The following FARS2 variants were observed in gnomAD, a reference collection of about 807,000 sequenced individuals.
FARS2 encodes phenylalanine--tRNA ligase, mitochondrial.
A neutral mutation model predicts 46.4 loss-of-function variants in FARS2; 40 were observed. The ratio of observed to expected loss-of-function variants is 0.86; its 90% CI spans 0.67 to 1.12. The LOEUF is 1.12. Among genes scored for constraint, FARS2 ranks in the 50% most tolerant of loss-of-function variants. The pLI is 0.00. For missense variants in FARS2, 513 were observed against 567.9 expected (o/e 0.90, Z 0.98); for synonymous variants, 234 against 214.9 (o/e 1.09, Z -0.78).
At chr6:5,301,847 A>ACG (rs57552015) in intron 1 of FARS2, among the ~76,000 whole-genome samples, 1 of 150,152 alleles carries the variant, frequency 6.7e-6, no homozygotes, top group African/African-American at 2.5e-5. Flanking sequence ...ACACACACAC[A>ACG]AAGAAAATGG....
At chr6:5,615,146 T>C (rs1018564945) in intron 6 of FARS2, among the ~76,000 whole-genome samples, 10 of 152,248 alleles carry the variant, frequency 6.6e-5, no homozygotes. Flanking sequence ...TGGACTCTTA[T>C]TTATTTTAGG....
At position 5,471,421 on chromosome 6, in the gene FARS2, A is replaced by G. The variant is rs1430822809; in HGVS notation, c.904+40249A>G. 6.6e-6 allele frequency among the ~76,000 whole-genome samples: 1 copy of G among 152,212 alleles called. No homozygotes were observed. Among genetic ancestry groups the G allele is most frequent in the African/African-American group, 2.4e-5 (1 of 41,436 alleles). On this transcript the variant is annotated intron_variant, in intron 4 of 6. Coordinates refer to ENST00000274680, the MANE Select transcript of FARS2 (RefSeq NM_006567.5). The surrounding 1 kb of genome is among the most constrained non-coding windows in gnomAD (Gnocchi z 4.1). ...TTTTCTTGCTCTGGCTAATATCCCA[A>G]CTAGCCCTTCATTTACGAAGAACCA...
intron 4 of FARS2, among the ~76,000 whole-genome samples, chr6:5,487,961 G>A (rs1318732403): frequency 6.6e-6 from 1 of 152,194 alleles, no homozygotes; most frequent in Non-Finnish European, 1.5e-5. Flanking sequence ...TAGGGGCATG[G>A]AAGCTGGACT....
intron 2 of FARS2, among the ~76,000 whole-genome samples, chr6:5,401,618 G>C (rs577959765): frequency 2.3e-4 from 35 of 152,004 alleles, no homozygotes; most frequent in Non-Finnish European, 4.0e-4. Context: ...CTTGAACAAG[G>C]CTCATGCTTT....
At chr6:5,276,811 G>T (rs1304041732) in intron 1 of FARS2, among the ~76,000 whole-genome samples, 1 of 152,190 alleles carries the variant, frequency 6.6e-6, no homozygotes, top group Non-Finnish European at 1.5e-5. Context: ...AGGAGGGCAT[G>T]TTGGGCTGTC....
At chr6:5,693,877 G>C (rs1014890451) in intron 6 of FARS2, among the ~76,000 whole-genome samples, 3 of 152,232 alleles carry the variant, frequency 2.0e-5, no homozygotes, top group African/African-American at 7.2e-5. Flanking sequence ...ATGGTAGCAA[G>C]TGTGCAAGTC....
chr6:5,722,786 GA>G (rs1759996987), intron 6 of FARS2, among the ~76,000 whole-genome samples: 1 of 152,130 alleles, frequency 6.6e-6, no homozygotes, highest in Admixed American at 6.5e-5. Flanking sequence ...GTAGCCTCAG[GA>G]AGTCTCCCCT....
At chr6:5,662,971 A>G (rs1163710568) in intron 6 of FARS2, among the ~76,000 whole-genome samples, 4 of 152,222 alleles carry the variant, frequency 2.6e-5, no homozygotes, top group East Asian at 1.9e-4. Flanking sequence ...AATAAATTCT[A>G]TGATAGCATC....
At chr6:5,606,587 C>T (rs1259682552) in intron 5 of FARS2, among the ~76,000 whole-genome samples, 1 of 152,132 alleles carries the variant, frequency 6.6e-6, no homozygotes, top group Non-Finnish European at 1.5e-5. Context: ...GATTTTACCT[C>T]ACTTGCAGGT....
intron 6 of FARS2, among the ~76,000 whole-genome samples, chr6:5,651,890 C>G (rs1408961152): frequency 6.6e-6 from 1 of 152,090 alleles, no homozygotes; most frequent in Non-Finnish European, 1.5e-5. Context: ...ACACTCATAG[C>G]CAGCATACCA....
chr6:5,453,741 G>A (rs1295975032), intron 4 of FARS2, among the ~76,000 whole-genome samples: 1 of 152,198 alleles, frequency 6.6e-6, no homozygotes, highest in African/African-American at 2.4e-5. Flanking sequence ...GTTGCCAGGT[G>A]CCCCAGATGG....
intron 5 of FARS2, among the ~76,000 whole-genome samples, chr6:5,564,724 A>G (rs991205721): frequency 1.3e-5 from 2 of 152,230 alleles, no homozygotes; most frequent in East Asian, 3.8e-4. Flanking sequence ...GGAATTTCAC[A>G]TAAGACTTCT....
Position 5,668,771 on chromosome 6 carries a change from G to A in FARS2, c.1217+55451G>A, listed in dbSNP as rs949329544. Among the ~76,000 whole-genome samples, 7 of 135,172 alleles carry A rather than the reference G, an allele frequency of 5.2e-5. No homozygotes were observed. In the South Asian group the frequency reaches 1.2e-3, roughly 24 times the overall value. The allele number at this position is 135,172 out of a possible 152,430, so 88.7% of individuals were successfully genotyped here. On this transcript the variant is annotated intron_variant, in intron 6 of 6. Coordinates refer to ENST00000274680, the MANE Select transcript of FARS2 (RefSeq NM_006567.5). ...TGCAATGACGTGATCTCGACTCACTGCAACCTTCGCCTTCTGTGTTCAAGT... is the reference window on the plus strand; with the variant it reads ...TGCAATGACGTGATCTCGACTCACTACAACCTTCGCCTTCTGTGTTCAAGT...
intron 2 of FARS2, among the ~76,000 whole-genome samples, chr6:5,391,053 G>T (rs11243009): frequency 0.22 from 33,273 of 152,190 alleles, 3,870 homozygotes; most frequent in Middle Eastern, 0.28. Flanking sequence ...TTTATTCAGG[G>T]TGCCTAAAGC....
intron 4 of FARS2, among the ~76,000 whole-genome samples, chr6:5,453,780 A>T (rs2503838): frequency 6.6e-6 from 1 of 152,008 alleles, no homozygotes; most frequent in Admixed American, 6.6e-5. Context: ...TTTTTGAAGG[A>T]GCTCACAGTG....
chr6:5,626,806 G>T (rs1409007108), intron 6 of FARS2, among the ~76,000 whole-genome samples: 1 of 152,226 alleles, frequency 6.6e-6, no homozygotes, highest in Admixed American at 6.5e-5. Flanking sequence ...TACATTCTGA[G>T]AAATTCGTCA....
chr6:5,423,442 G>T (rs981558329), intron 3 of FARS2, among the ~76,000 whole-genome samples: 3 of 151,862 alleles, frequency 2.0e-5, no homozygotes, highest in African/African-American at 7.3e-5. Flanking sequence ...CTGTGTAGAG[G>T]AGTCCCAGGG....
intron 6 of FARS2, among the ~76,000 whole-genome samples, chr6:5,733,505 C>T (rs375692594): frequency 7.9e-5 from 12 of 152,314 alleles, no homozygotes; most frequent in African/African-American, 2.9e-4. Flanking sequence ...GACTCTCTTT[C>T]CAAAATACCA....
At chr6:5,499,229 C>T (rs1767652475) in intron 4 of FARS2, among the ~76,000 whole-genome samples, 1 of 152,150 alleles carries the variant, frequency 6.6e-6, no homozygotes, top group Non-Finnish European at 1.5e-5. Flanking sequence ...CAACGTGTGC[C>T]TACCCCAAGG....
Sources: gnomAD v4.1 joint callset for allele counts (sites outside exome capture counted in the v4.1 genomes callset) on GRCh38, gnomAD v4.1.1 for gene constraint, Gnocchi (gnomAD v3.1) non-coding constraint, MANE v1.5 for transcripts, NCBI Gene and HGNC (gene_info 2026-07-23, HGNC 2026-07-21) for gene names.